EXOC4: variants seen among roughly 807,000 people sequenced by gnomAD.
The protein encoded by EXOC4 is exocyst complex component 4.
Under a neutral mutation model 107.2 loss-of-function variants are expected in EXOC4, and 71 were observed. That is an observed-to-expected ratio of 0.66 (90% CI 0.55 to 0.81). EXOC4 has a LOEUF of 0.81. EXOC4 is among the 30% of genes least tolerant of loss of function. The probability of loss-of-function intolerance (pLI) is 0.00; values close to 1 mark genes in which losing one functional copy is unlikely to be tolerated. For missense variants in EXOC4, 1,108 were observed against 1,189.6 expected (o/e 0.93, Z 1.01); for synonymous variants, 456 against 441.2 (o/e 1.03, Z -0.42).
chr7:133,621,588 A>C (rs1034456144), intron 9 of EXOC4, among the ~76,000 whole-genome samples: 8 of 152,206 alleles, frequency 5.3e-5, no homozygotes, highest in African/African-American at 1.9e-4. Flanking sequence ...TGTCCTTCTC[A>C]CAATAATCCA....
intron 10 of EXOC4, among the ~76,000 whole-genome samples, chr7:133,781,133 T>A (rs1796457405): frequency 1.3e-5 from 2 of 152,238 alleles, no homozygotes; most frequent in Admixed American, 6.5e-5. Context: ...ATTATGTCTT[T>A]CTATATAATG....
At chr7:133,618,695 T>C (rs949880893) in intron 9 of EXOC4, among the ~76,000 whole-genome samples, 4 of 152,176 alleles carry the variant, frequency 2.6e-5, no homozygotes, top group Admixed American at 2.0e-4. Flanking sequence ...ATTGTAGATA[T>C]GTAGGAGTGC....
At chr7:133,721,037 T>C (rs985307247) in intron 10 of EXOC4, among the ~76,000 whole-genome samples, 11 of 152,172 alleles carry the variant, frequency 7.2e-5, no homozygotes, top group Non-Finnish European at 1.3e-4. Context: ...GCTCTTGAAT[T>C]TACTACCTGT....
At chr7:133,687,771 T>G (rs1453581039) in intron 10 of EXOC4, among the ~76,000 whole-genome samples, 4 of 152,158 alleles carry the variant, frequency 2.6e-5, no homozygotes, top group African/African-American at 7.2e-5. Context: ...ATTTTTCTCC[T>G]AACTAGTTAT....
At chr7:133,280,336 C>T (rs2150531858) in intron 2 of EXOC4, among the ~76,000 whole-genome samples, 1 of 152,260 alleles carries the variant, frequency 6.6e-6, no homozygotes, top group Middle Eastern at 3.4e-3. Flanking sequence ...CAGTGTCTCT[C>T]ATAATAACAA....
intron 10 of EXOC4, among the ~76,000 whole-genome samples, chr7:133,724,813 G>C (rs2151110544): frequency 6.6e-6 from 1 of 152,312 alleles, no homozygotes. Flanking sequence ...CAAAGTACCT[G>C]AAAGAAGCAT....
chr7:133,881,659 C>G (rs1455218709), intron 11 of EXOC4, among the ~76,000 whole-genome samples: 1 of 152,014 alleles, frequency 6.6e-6, no homozygotes, highest in Non-Finnish European at 1.5e-5. Flanking sequence ...TGAAGTTAGT[C>G]TAGTGTTTGG....
intron 9 of EXOC4, among the ~76,000 whole-genome samples, chr7:133,628,027 T>A (rs1802499357): frequency 1.3e-5 from 2 of 152,146 alleles, no homozygotes; most frequent in Admixed American, 6.5e-5. Context: ...CAAGGGAGAT[T>A]TAGCTGTGTT....
At chr7:133,541,924 C>A (rs1800388454) in intron 9 of EXOC4, among the ~76,000 whole-genome samples, 1 of 152,092 alleles carries the variant, frequency 6.6e-6, no homozygotes, top group Non-Finnish European at 1.5e-5. Flanking sequence ...TGAGGAATTC[C>A]AGCAGAGGCT....
intron 1 of EXOC4, among the ~76,000 whole-genome samples, chr7:133,259,457 C>T (rs190677500): frequency 6.6e-6 from 1 of 152,104 alleles, no homozygotes; most frequent in African/African-American, 2.4e-5. Flanking sequence ...AAACTCCTGA[C>T]CTTAGGTGAT....
At chr7:133,942,285 T>C (rs1349481077) in intron 14 of EXOC4, among the ~76,000 whole-genome samples, 1 of 151,904 alleles carries the variant, frequency 6.6e-6, no homozygotes, top group Non-Finnish European at 1.5e-5. Context: ...TTTTTTTAAG[T>C]GAAGCCCCTG....
chr7:133,621,943 A>G (rs568492192), intron 9 of EXOC4, among the ~76,000 whole-genome samples: 4 of 110,600 alleles, frequency 3.6e-5, no homozygotes, highest in South Asian at 7.7e-4. Context: ...TCTGTTGACT[A>G]TTTTCTTTTG....
intron 8 of EXOC4, among the ~76,000 whole-genome samples, chr7:133,477,022 A>G (rs1220821213): frequency 6.6e-6 from 1 of 152,298 alleles, no homozygotes; most frequent in East Asian, 1.9e-4. Flanking sequence ...TTTATTTTTT[A>G]GAACAGTTTT....
At chr7:134,036,481 A>G (rs774839051) in intron 17 of EXOC4, among the ~76,000 whole-genome samples, 14 of 152,158 alleles carry the variant, frequency 9.2e-5, no homozygotes, top group Non-Finnish European at 1.8e-4. Flanking sequence ...CCAGCTACTC[A>G]GGAGGCTGAG....
At position 133,356,869 on chromosome 7, in the gene EXOC4, G is replaced by A. The variant is rs146777469; in HGVS notation, c.1007+296G>A. On this transcript the variant is annotated intron_variant, in intron 6 of 17. Coordinates refer to ENST00000253861, the MANE Select transcript of EXOC4 (RefSeq NM_021807.4). ...GTAGTGCATGCCTGTAATCCCAGCT[G>A]TTCTGGAGGCTGAGGCAGGAGAACT... Among the ~76,000 whole-genome samples the A allele has an allele frequency of 9.6e-3, 1,459 of 152,276 alleles. 17 individuals carry two copies. Among genetic ancestry groups the A allele is most frequent in the African/African-American group, 0.034 (1,402 of 41,570 alleles).
intron 9 of EXOC4, chr7:133,480,571 T>A: frequency 2.5e-6 from 1 of 407,402 alleles, no homozygotes; most frequent in Non-Finnish European, 3.6e-6. Flanking sequence ...AAGATGCCTC[T>A]AAATAGTATG....
chr7:134,034,775 T>A (rs962728070), intron 17 of EXOC4, among the ~76,000 whole-genome samples: 4 of 152,194 alleles, frequency 2.6e-5, no homozygotes, highest in African/African-American at 4.8e-5. Flanking sequence ...TGTAAGTGAC[T>A]GATAGAGAAG....
At chr7:133,708,760 T>C (rs1357716235) in intron 10 of EXOC4, among the ~76,000 whole-genome samples, 2 of 152,218 alleles carry the variant, frequency 1.3e-5, no homozygotes, top group African/African-American at 2.4e-5. Flanking sequence ...TATTAACAGA[T>C]TCATCAAGTT....
downstream of EXOC4, among the ~76,000 whole-genome samples, chr7:134,068,723 CTT>C (rs1796222209): frequency 6.6e-6 from 1 of 152,158 alleles, no homozygotes; most frequent in Admixed American, 6.5e-5. Flanking sequence ...CTCTCCAAGA[CTT>C]TATTCTTGTC....
Sources: gnomAD v4.1 joint callset for allele counts (sites outside exome capture counted in the v4.1 genomes callset) on GRCh38, gnomAD v4.1.1 for gene constraint, MANE v1.5 for transcripts, NCBI Gene and HGNC (gene_info 2026-07-23, HGNC 2026-07-21) for gene names.